The following MANBA variants were observed in gnomAD, a reference collection of about 807,000 sequenced individuals.
The protein encoded by MANBA is beta-mannosidase.
In MANBA, 83 loss-of-function variants were observed where a neutral mutation model predicts 111.1. The observed-to-expected ratio is 0.75, with a 90% confidence interval of 0.63 to 0.90. MANBA has a LOEUF of 0.90. MANBA is among the 40% of genes least tolerant of loss of function. The probability of loss-of-function intolerance (pLI) is 0.00; values close to 1 mark genes in which losing one functional copy is unlikely to be tolerated. For missense variants in MANBA, 1,036 were observed against 1,069.0 expected (o/e 0.97, Z 0.43); for synonymous variants, 370 against 378.7 (o/e 0.98, Z 0.27).
chr4:102,730,868 C>T (rs371023252), intron 1 of MANBA: 7 of 342,746 alleles, frequency 2.0e-5, no homozygotes, highest in South Asian at 7.1e-5. Flanking sequence ...ACAGCCTACC[C>T]GCTTCCCGTC....
intron 5 of MANBA, among the ~76,000 whole-genome samples, chr4:102,703,775 A>G (rs1733168652): frequency 6.6e-6 from 1 of 152,114 alleles, no homozygotes; most frequent in African/African-American, 2.4e-5. Context: ...CCACTTTGCA[A>G]GCCCCTACCC....
intron 4 of MANBA, among the ~76,000 whole-genome samples, chr4:102,721,558 G>T (rs1177536324): frequency 2.6e-5 from 4 of 152,166 alleles, no homozygotes; most frequent in African/African-American, 7.2e-5. Context: ...ACAAAATGTG[G>T]TATATGCATA....
intron 14 of MANBA, among the ~76,000 whole-genome samples, chr4:102,639,154 C>T (rs1019600147): frequency 6.6e-6 from 1 of 152,166 alleles, no homozygotes; most frequent in Non-Finnish European, 1.5e-5. Flanking sequence ...AACTGGTCAC[C>T]TTTCCCATTC....
intron 5 of MANBA, among the ~76,000 whole-genome samples, chr4:102,698,584 G>A (rs1732852857): frequency 6.7e-6 from 1 of 149,668 alleles, no homozygotes; most frequent in Admixed American, 6.6e-5. Context: ...TGGCTAGCCA[G>A]TTTTCCCAGC....
intron 7 of MANBA, among the ~76,000 whole-genome samples, chr4:102,674,337 G>A (rs544874525): frequency 6.6e-6 from 1 of 151,992 alleles, no homozygotes; most frequent in African/African-American, 2.4e-5. Flanking sequence ...AGGCATTTGT[G>A]ATAACATCAA....
chr4:102,727,648 C>T (rs2110196869), intron 1 of MANBA: 1 of 1,491,662 alleles, frequency 6.7e-7, no homozygotes, highest in Non-Finnish European at 9.3e-7. Flanking sequence ...TTGTGTTTCA[C>T]AGTCTTCTCT....
At chr4:102,688,760 A>C (rs1000029682) in intron 7 of MANBA, among the ~76,000 whole-genome samples, 2 of 152,210 alleles carry the variant, frequency 1.3e-5, no homozygotes, top group Non-Finnish European at 2.9e-5. Flanking sequence ...TCCAATTCCT[A>C]GTGCTATATC....
At chr4:102,736,964 C>T (rs933927317) in intron 1 of MANBA, among the ~76,000 whole-genome samples, 3 of 152,272 alleles carry the variant, frequency 2.0e-5, no homozygotes, top group Middle Eastern at 3.4e-3. Context: ...ATTCAGATCA[C>T]GGGAGAAGGA....
intron 4 of MANBA, among the ~76,000 whole-genome samples, chr4:102,716,416 G>C (rs892711033): frequency 3.3e-5 from 5 of 150,042 alleles, no homozygotes; most frequent in African/African-American, 4.9e-5. Flanking sequence ...CCTCAGGTAT[G>C]AATTCAGAAG....
At chr4:102,633,674 A>G (rs1049070328) in intron 16 of MANBA, among the ~76,000 whole-genome samples, 3 of 152,194 alleles carry the variant, frequency 2.0e-5, no homozygotes, top group African/African-American at 2.4e-5. Flanking sequence ...TCCCACCCCA[A>G]TTACCCACCT....
At chr4:102,663,628 G>C (rs1228906516) in intron 11 of MANBA, among the ~76,000 whole-genome samples, 1 of 152,044 alleles carries the variant, frequency 6.6e-6, no homozygotes, top group Non-Finnish European at 1.5e-5. Context: ...ATGGAATAGT[G>C]CCATAAACTG....
chr4:102,711,895 G>A (rs1038497908), intron 5 of MANBA, among the ~76,000 whole-genome samples: 48 of 152,232 alleles, frequency 3.2e-4, no homozygotes, highest in Non-Finnish European at 4.4e-4. Context: ...TAATAGAGAC[G>A]AGAGGCTAGG....
intron 16 of MANBA, among the ~76,000 whole-genome samples, chr4:102,633,737 A>G (rs1384869269): frequency 6.6e-6 from 1 of 152,030 alleles, no homozygotes; most frequent in Non-Finnish European, 1.5e-5. Context: ...TTTCAAAATC[A>G]TAAGTTTAGA....
intron 1 of MANBA, among the ~76,000 whole-genome samples, chr4:102,744,916 C>T (rs1030595917): frequency 6.6e-6 from 1 of 152,190 alleles, no homozygotes; most frequent in Admixed American, 6.5e-5. Flanking sequence ...ATAACTCTCA[C>T]CCTACAAGTC....
At chr4:102,732,041 G>T (rs1723051203) in intron 1 of MANBA, among the ~76,000 whole-genome samples, 2 of 152,090 alleles carry the variant, frequency 1.3e-5, no homozygotes, top group Admixed American at 1.3e-4. Flanking sequence ...CCAAGTAGCT[G>T]GGATTACAGG....
chr4:102,635,365 G>C (rs1729577726), intron 15 of MANBA, among the ~76,000 whole-genome samples: 1 of 152,164 alleles, frequency 6.6e-6, no homozygotes, highest in African/African-American at 2.4e-5. Flanking sequence ...AGTGTTATTA[G>C]TGTCCTCCAA....
chr4:102,755,777 G>GA (rs1323616351), intron 1 of MANBA, among the ~76,000 whole-genome samples: 5 of 152,066 alleles, frequency 3.3e-5, no homozygotes, highest in African/African-American at 4.8e-5. Context: ...AAATTTACAA[G>GA]AAAAAATCAA....
At chr4:102,657,530 A>G (rs1429306252) in intron 12 of MANBA, 152 bp downstream of exon 12, 15 of 692,500 alleles carry the variant, frequency 2.2e-5, no homozygotes, top group Non-Finnish European at 3.4e-5. Context: ...TAATCCCCAA[A>G]GGTTTAAAAA....
At chr4:102,636,159 GCT>G in intron 14 of MANBA, 152 bp from the exon 15 acceptor site, 1 of 706,356 alleles carries the variant, frequency 1.4e-6, no homozygotes, top group South Asian at 1.5e-5. Context: ...TTTGTGAAGC[GCT>G]CTGAGCACTC....
Sources: allele counts gnomAD v4.1 joint callset (sites outside exome capture counted in the v4.1 genomes callset), GRCh38; gene constraint gnomAD v4.1.1; transcripts MANE v1.5; gene names NCBI Gene and HGNC (gene_info 2026-07-23, HGNC 2026-07-21).